Variants in IL1RAPL2 observed in about 807,000 individuals in gnomAD.
The protein encoded by IL1RAPL2 is X-linked interleukin-1 receptor accessory protein-like 2.
IL1RAPL2 carries 3 observed loss-of-function variants against 44.1 expected under a neutral mutation model. The observed-to-expected ratio is 0.07, with a 90% CI of 0.03 to 0.18. The LOEUF (loss-of-function observed/expected upper bound fraction) is 0.18. Ranked by LOEUF, IL1RAPL2 falls within the 10% of genes least tolerant of loss-of-function variation. IL1RAPL2 has a pLI of 1.00. For missense variants in IL1RAPL2, 391 were observed against 496.4 expected (o/e 0.79, Z 2.02); for synonymous variants, 181 against 178.8 (o/e 1.01, Z -0.10).
At chrX:104,824,519 G>A (rs1921398514) in intron 2 of IL1RAPL2, among the ~76,000 whole-genome samples, 2 of 111,567 alleles carry the variant, frequency 1.8e-5, no homozygotes, top group Admixed American at 1.9e-4. Flanking sequence ...TCTGGTCCTG[G>A]GCTTTTTTGG....
chrX:104,867,036 G>C (rs1018684392), intron 2 of IL1RAPL2, among the ~76,000 whole-genome samples: 1 of 109,135 alleles, frequency 9.2e-6, no homozygotes, highest in East Asian at 2.9e-4. Flanking sequence ...GTATAGCCAT[G>C]CATCCTGGCT....
chrX:105,233,147 G>A (rs1258047575), intron 3 of IL1RAPL2, among the ~76,000 whole-genome samples: 1 of 111,450 alleles, frequency 9.0e-6, no homozygotes, highest in East Asian at 2.8e-4. Flanking sequence ...AGCCGGGCGT[G>A]GTGGCGGGTG....
Position 104,946,379 on chromosome X carries a change from C to CAAAAAAAAAAAAAAA in IL1RAPL2, c.83-249080_83-249066dup, listed in dbSNP as rs1157603029. 4.7e-3 allele frequency among the ~76,000 whole-genome samples: 43 copies of CAAAAAAAAAAAAAAA among 9,142 alleles called. 11 individuals carry two copies. The highest frequency in any genetic ancestry group is 9.7e-3 in the African/African-American group (17 of 1,747). 7.9% of individuals were successfully genotyped at this position (9,142 alleles called of 115,157 possible). ...TGGGCGACAGAGCAAGACTCCGTCT[C>CAAAAAAAAAAAAAAA]AAAAAAAAAAAAAAAAAAAAAAAAA... On this transcript the variant is annotated intron_variant, in intron 2 of 10. Coordinates refer to ENST00000372582, the MANE Select transcript of IL1RAPL2 (RefSeq NM_017416.2).
chrX:104,690,627 A>T (rs1931075464), intron 2 of IL1RAPL2, among the ~76,000 whole-genome samples: 1 of 111,516 alleles, frequency 9.0e-6, no homozygotes, highest in African/African-American at 3.3e-5. Context: ...ATAAAATCGT[A>T]CTCTCCTATC....
rs1307022644 is a variant in IL1RAPL2, at chrX:105,233,722, C to T, written c.357-96C>T. 12 of 705,193 alleles carry T rather than the reference C, an allele frequency of 1.7e-5. No homozygotes were observed. The African/African-American group carries it at 2.4e-4, about 14-fold the overall frequency. The allele number at this position is 705,193 out of a possible 1,213,427, so 58.1% of individuals were successfully genotyped here. A position where few individuals can be genotyped will look rare whatever the true frequency, so the allele number is the denominator to read the frequency against. On this transcript the variant is annotated intron_variant, in intron 3 of 10. Coordinates refer to ENST00000372582, the MANE Select transcript of IL1RAPL2 (RefSeq NM_017416.2). Reference sequence around the variant, plus strand: ...TTTTTTTCTGATTTCTAGGCAAGGTCCTAAATGGAAAAGCCAATACTCTTG... The same window carrying T: ...TTTTTTTCTGATTTCTAGGCAAGGTTCTAAATGGAAAAGCCAATACTCTTG...
In IL1RAPL2 at chrX:105,611,942, G is replaced by A. The variant is rs897568291; in HGVS notation, c.773-105425G>A. On this transcript the variant is annotated intron_variant, in intron 6 of 10. Coordinates refer to ENST00000372582, the MANE Select transcript of IL1RAPL2 (RefSeq NM_017416.2). ...GGCATTTGGGTATTCTCTAGTTTGG[G>A]TCTATTATAATTATGTGGCTATGAG... Among the ~76,000 whole-genome samples, 3 of 111,395 alleles carry A rather than the reference G, an allele frequency of 2.7e-5. No homozygotes were observed. In the East Asian group the frequency reaches 8.5e-4, roughly 32 times the overall value.
chrX:105,588,944 A>C (rs921814259), intron 6 of IL1RAPL2, among the ~76,000 whole-genome samples: 2 of 111,799 alleles, frequency 1.8e-5, no homozygotes, highest in African/African-American at 3.3e-5. Context: ...GTTCTGTTTT[A>C]AGTTCTTTGA....
chrX:105,567,072 G>GA (rs1290027289), intron 6 of IL1RAPL2, among the ~76,000 whole-genome samples: 2 of 110,894 alleles, frequency 1.8e-5, no homozygotes, highest in South Asian at 3.8e-4. Flanking sequence ...AGATCAGAAG[G>GA]AAAAAAATTC....
At chrX:105,506,087 T>G (rs2036429085) in intron 6 of IL1RAPL2, among the ~76,000 whole-genome samples, 3 of 111,716 alleles carry the variant, frequency 2.7e-5, no homozygotes, top group Non-Finnish European at 1.9e-5. Flanking sequence ...TCTAGCAGAC[T>G]TGGCAATGGA....
chrX:105,523,773 G>T (rs750933724), intron 6 of IL1RAPL2, among the ~76,000 whole-genome samples: 58 of 108,866 alleles, frequency 5.3e-4, no homozygotes, highest in African/African-American at 1.9e-3. Context: ...ATTGCCAGGA[G>T]TTTTCAATGA....
chrX:104,793,979 G>C (rs1932837957), intron 2 of IL1RAPL2, among the ~76,000 whole-genome samples: 1 of 111,822 alleles, frequency 8.9e-6, no homozygotes, highest in Non-Finnish European at 1.9e-5. Flanking sequence ...CAGGGACTCT[G>C]TAAAATTCTT....
chrX:105,585,931 A>G (rs2147816338), intron 6 of IL1RAPL2, among the ~76,000 whole-genome samples: 1 of 112,328 alleles, frequency 8.9e-6, no homozygotes, highest in Admixed American at 9.5e-5. Context: ...TTAAGGACAT[A>G]AGCATTGAGC....
rs377751559 is a variant in IL1RAPL2, at chrX:105,313,322, G to A, written c.697+45781G>A. On this transcript the variant is annotated intron_variant, in intron 5 of 10. Coordinates refer to ENST00000372582, the MANE Select transcript of IL1RAPL2 (RefSeq NM_017416.2). Reference sequence around the variant, plus strand: ...TTAACAGATAAAGTAATTGAACAGAGTACAGTAGGTATTCTCTGTCAATAA... The same window carrying A: ...TTAACAGATAAAGTAATTGAACAGAATACAGTAGGTATTCTCTGTCAATAA... Among the ~76,000 whole-genome samples the A allele has an allele frequency of 3.1e-4, 35 of 112,091 alleles. No individual in the cohort carries two copies. The East Asian group carries it at 6.7e-3, about 22-fold the overall frequency.
At chrX:104,632,256 A>G (rs1235245804) in intron 1 of IL1RAPL2, among the ~76,000 whole-genome samples, 1 of 111,491 alleles carries the variant, frequency 9.0e-6, no homozygotes, top group Non-Finnish European at 1.9e-5. Flanking sequence ...CTTGTAGTAT[A>G]GTTTGAAGTC....
intron 10 of IL1RAPL2, among the ~76,000 whole-genome samples, chrX:105,757,604 A>G (rs1010143996): frequency 2.7e-5 from 3 of 111,830 alleles, no homozygotes; most frequent in African/African-American, 9.7e-5. Context: ...CTTTAAAATC[A>G]GACTGAGTAG....
At chrX:105,315,601 T>TATATATATATATATATATATATATATATA (rs1569422606) in intron 5 of IL1RAPL2, among the ~76,000 whole-genome samples, 8 of 62,157 alleles carry the variant, frequency 1.3e-4, no homozygotes, top group South Asian at 1.2e-3. Flanking sequence ...TATATATATA[T>TATATATATATATATATATATATATATATA]GGTTTTATTA....
intron 5 of IL1RAPL2, among the ~76,000 whole-genome samples, chrX:105,278,796 A>C (rs1205711406): frequency 9.0e-6 from 1 of 111,599 alleles, no homozygotes; most frequent in African/African-American, 3.3e-5. Flanking sequence ...CGTTTATTTC[A>C]AAACATTACT....
At chrX:105,007,011 CT>C (rs1433440030) in intron 2 of IL1RAPL2, among the ~76,000 whole-genome samples, 2 of 111,575 alleles carry the variant, frequency 1.8e-5, no homozygotes, top group African/African-American at 6.5e-5. Context: ...TTATTCCCCA[CT>C]TGTGATTTAC....
intron 2 of IL1RAPL2, among the ~76,000 whole-genome samples, chrX:105,076,217 T>C (rs1295947723): frequency 2.7e-5 from 3 of 111,388 alleles, no homozygotes; most frequent in South Asian, 7.8e-4. Flanking sequence ...GCTTTGAATG[T>C]GTCCCAGAGA....
Sources: gnomAD v4.1 joint callset for allele counts (sites outside exome capture counted in the v4.1 genomes callset) on GRCh38, gnomAD v4.1.1 for gene constraint, MANE v1.5 for transcripts, NCBI Gene and HGNC (gene_info 2026-07-23, HGNC 2026-07-21) for gene names.